RSU1: variants seen among roughly 807,000 people sequenced by gnomAD.
The protein encoded by RSU1 is rsu-1.
In RSU1, 26 loss-of-function variants were observed where a neutral mutation model predicts 31.1. The ratio of observed to expected loss-of-function variants is 0.84; its 90% confidence interval spans 0.61 to 1.16. The LOEUF (loss-of-function observed/expected upper bound fraction) is 1.16, where lower values mean the gene tolerates loss of function less well. Among genes scored for constraint, RSU1 ranks in the 50% most tolerant of loss-of-function variants. The pLI, the probability that RSU1 is intolerant of heterozygous loss-of-function variation, is 0.00. For missense variants in RSU1, 320 were observed against 339.1 expected, an observed-to-expected ratio of 0.94 and a Z score of 0.44; for synonymous variants, 164 against 136.3, an observed-to-expected ratio of 1.20 and a Z score of -1.41.
intron 7 of RSU1, among the ~76,000 whole-genome samples, chr10:16,719,126 A>C (rs893515217): frequency 1.3e-5 from 2 of 152,126 alleles, no homozygotes; most frequent in Non-Finnish European, 2.9e-5. Context: ...TCGGCAACAC[A>C]GTGACAACCT....
intron 8 of RSU1, among the ~76,000 whole-genome samples, chr10:16,658,237 T>C (rs1240710718): frequency 3.3e-5 from 5 of 152,222 alleles, no homozygotes; most frequent in Admixed American, 6.5e-5. Flanking sequence ...AAGCAGAATA[T>C]ATCTAAGAGG....
intron 8 of RSU1, among the ~76,000 whole-genome samples, chr10:16,667,029 A>AAACAACAAC (rs56748832): frequency 6.6e-6 from 1 of 151,026 alleles, no homozygotes; most frequent in African/African-American, 2.4e-5. Context: ...AAAGCAAAAC[A>AAACAACAAC]AACAACAACA....
chr10:16,795,308 C>T (rs561723428), intron 2 of RSU1, among the ~76,000 whole-genome samples: 27 of 141,494 alleles, frequency 1.9e-4, no homozygotes, highest in South Asian at 1.1e-3. Flanking sequence ...GAGCCGAGAT[C>T]GCGCCACTGC....
intron 7 of RSU1, among the ~76,000 whole-genome samples, chr10:16,712,832 C>T (rs1588486904): frequency 6.6e-6 from 1 of 152,082 alleles, no homozygotes; most frequent in Admixed American, 6.5e-5. Context: ...TAATTATTGT[C>T]CTTTCTTTTC....
intron 8 of RSU1, among the ~76,000 whole-genome samples, chr10:16,688,334 T>C (rs1374495190): frequency 2.0e-5 from 3 of 152,068 alleles, no homozygotes; most frequent in Non-Finnish European, 4.4e-5. Flanking sequence ...AGGCCAGTAG[T>C]GGTGGCTCAG....
intron 8 of RSU1, among the ~76,000 whole-genome samples, chr10:16,668,564 A>G (rs920485419): frequency 1.8e-4 from 28 of 152,224 alleles, no homozygotes; most frequent in Admixed American, 6.5e-5. Context: ...AAATTTGAAC[A>G]TCATAAAACA....
chr10:16,761,625 G>A (rs973499519), intron 4 of RSU1, among the ~76,000 whole-genome samples: 4 of 152,140 alleles, frequency 2.6e-5, no homozygotes, highest in Admixed American at 2.0e-4. Context: ...GGGAGGCCGA[G>A]GCGGGTGGAT....
At chr10:16,680,966 T>C (rs1835319441) in intron 8 of RSU1, among the ~76,000 whole-genome samples, 2 of 152,204 alleles carry the variant, frequency 1.3e-5, no homozygotes, top group Non-Finnish European at 2.9e-5. Flanking sequence ...AGATACTGCA[T>C]TAAAATAAAT....
intron 4 of RSU1, among the ~76,000 whole-genome samples, chr10:16,755,746 C>A (rs1380721851): frequency 6.6e-6 from 1 of 152,194 alleles, no homozygotes; most frequent in Non-Finnish European, 1.5e-5. Context: ...AACATCTCTG[C>A]AATTCCCCTC....
chr10:16,716,804 G>A (rs1448724685), intron 7 of RSU1, among the ~76,000 whole-genome samples: 1 of 152,108 alleles, frequency 6.6e-6, no homozygotes, highest in Non-Finnish European at 1.5e-5. Flanking sequence ...ATATGTAATA[G>A]GAGGAAATGA....
intron 8 of RSU1, among the ~76,000 whole-genome samples, chr10:16,649,256 A>C (rs1834634956): frequency 6.6e-6 from 1 of 152,252 alleles, no homozygotes; most frequent in South Asian, 2.1e-4. Context: ...CATATTCAGC[A>C]TGTATGAAAA....
chr10:16,678,690 T>C (rs117014903), intron 8 of RSU1, among the ~76,000 whole-genome samples: 5 of 152,162 alleles, frequency 3.3e-5, no homozygotes, highest in African/African-American at 1.2e-4. Context: ...AGTGAATACA[T>C]GTGAAAATAG....
intron 7 of RSU1, among the ~76,000 whole-genome samples, chr10:16,715,586 G>C (rs1836124157): frequency 6.6e-6 from 1 of 151,948 alleles, no homozygotes; most frequent in East Asian, 1.9e-4. Flanking sequence ...GAGTGGTTTG[G>C]GCACACTTGT....
intron 7 of RSU1, among the ~76,000 whole-genome samples, chr10:16,722,900 A>C (rs928457054): frequency 6.7e-6 from 1 of 148,824 alleles, no homozygotes; most frequent in Non-Finnish European, 1.5e-5. Flanking sequence ...ATATGTATAT[A>C]TACACACATA....
At chr10:16,724,269 CA>C (rs1301272619) in intron 7 of RSU1, among the ~76,000 whole-genome samples, 4 of 152,082 alleles carry the variant, frequency 2.6e-5, no homozygotes, top group African/African-American at 7.2e-5. Flanking sequence ...CAGGAAGGAA[CA>C]AAAACATTTC....
chr10:16,748,601 A>C (rs956156165), intron 7 of RSU1, among the ~76,000 whole-genome samples: 2 of 152,142 alleles, frequency 1.3e-5, no homozygotes, highest in African/African-American at 4.8e-5. Context: ...AGTTCGGACA[A>C]TGTCCTACCA....
chr10:16,763,803 T>C (rs867262438), intron 4 of RSU1, among the ~76,000 whole-genome samples: 5 of 152,218 alleles, frequency 3.3e-5, no homozygotes, highest in African/African-American at 1.2e-4. Flanking sequence ...GAGGGTCAAG[T>C]GCTGCAAAGC....
intron 8 of RSU1, among the ~76,000 whole-genome samples, chr10:16,692,155 C>T (rs1269909325): frequency 1.2e-4 from 19 of 152,184 alleles, no homozygotes; most frequent in Admixed American, 1.2e-3. Context: ...ATTGCTTAGA[C>T]TACGCCAACC....
At chr10:16,634,469 T>C (rs1274653012) in intron 8 of RSU1, among the ~76,000 whole-genome samples, 1 of 152,230 alleles carries the variant, frequency 6.6e-6, no homozygotes, top group Non-Finnish European at 1.5e-5. Context: ...GGTATATAAC[T>C]TTTTACACAC....
Sources: allele counts gnomAD v4.1 joint callset (sites outside exome capture counted in the v4.1 genomes callset), GRCh38; gene constraint gnomAD v4.1.1; transcripts MANE v1.5; gene names NCBI Gene and HGNC (gene_info 2026-07-23, HGNC 2026-07-21).